UNC13C: variants seen among roughly 807,000 people sequenced by gnomAD.
The protein encoded by UNC13C is protein unc-13 homolog C.
Under a neutral mutation model 245.4 loss-of-function variants are expected in UNC13C, and 174 were observed. That is an observed-to-expected ratio of 0.71 (90% CI 0.63 to 0.80). UNC13C has a LOEUF of 0.80. Among genes scored for constraint, UNC13C ranks in the 30% least tolerant of loss-of-function variants. The probability of loss-of-function intolerance (pLI) is 0.00; values close to 1 mark genes in which losing one functional copy is unlikely to be tolerated. For synonymous variants in UNC13C, 992 were observed against 895.1 expected (o/e 1.11, Z -1.93); for missense variants, 2,829 against 2,602.9 (o/e 1.09, Z -1.89).
At chr15:54,458,879 A>G (rs918981435) in intron 19 of UNC13C, among the ~76,000 whole-genome samples, 2 of 151,766 alleles carry the variant, frequency 1.3e-5, no homozygotes, top group East Asian at 1.9e-4. Flanking sequence ...TTAGTGGAGC[A>G]TTTAGGCCAT....
intron 3 of UNC13C, 36 bp downstream of exon 3, chr15:54,143,076 T>C: frequency 6.3e-7 from 1 of 1,592,432 alleles, no homozygotes; most frequent in Non-Finnish European, 8.6e-7. Context: ...TCCTGAGGAA[T>C]CTTGTCTTTT....
At chr15:54,146,483 A>C (rs1269878861) in intron 4 of UNC13C, among the ~76,000 whole-genome samples, 1 of 152,214 alleles carries the variant, frequency 6.6e-6, no homozygotes, top group East Asian at 1.9e-4. Flanking sequence ...CTCTCTGTAC[A>C]TTTCCTGTAA....
At chr15:54,515,998 T>C (rs1894958508) in intron 24 of UNC13C, among the ~76,000 whole-genome samples, 1 of 152,136 alleles carries the variant, frequency 6.6e-6, no homozygotes, top group South Asian at 2.1e-4. Flanking sequence ...ATTGTAATGG[T>C]CAACTAAATT....
At chr15:53,903,833 GACAGCT>G in the UNC13C span, among the ~76,000 whole-genome samples, 1 of 4,426 alleles carries the variant, frequency 2.3e-4, no homozygotes, top group African/African-American at 2.5e-4. Flanking sequence ...AAAAATTTCT[GACAGCT>G]ACATAGCTAC....
At chr15:54,329,127 T>A (rs542816691) in intron 14 of UNC13C, among the ~76,000 whole-genome samples, 28 of 149,432 alleles carry the variant, frequency 1.9e-4, no homozygotes, top group Admixed American at 2.7e-4. Flanking sequence ...TTATTTATTT[T>A]AAAAATTTAT....
intron 1 of UNC13C, among the ~76,000 whole-genome samples, chr15:53,983,342 A>G (rs1894001781): frequency 6.6e-6 from 1 of 151,986 alleles, no homozygotes; most frequent in Non-Finnish European, 1.5e-5. Context: ...TAGACAAAAG[A>G]GGGCTGCAGG....
the UNC13C span, among the ~76,000 whole-genome samples, chr15:53,922,987 C>T: frequency 6.6e-6 from 1 of 152,180 alleles, no homozygotes; most frequent in African/African-American, 2.4e-5. Context: ...CCACTCTATA[C>T]ATTGTTCTAG....
At chr15:54,030,583 A>G (rs944899716) in intron 2 of UNC13C, among the ~76,000 whole-genome samples, 2 of 152,224 alleles carry the variant, frequency 1.3e-5, no homozygotes, top group African/African-American at 4.8e-5. Flanking sequence ...TGTGGCTTCC[A>G]TCATCCTCTT....
At chr15:53,907,700 A>G in the UNC13C span, among the ~76,000 whole-genome samples, 4 of 151,768 alleles carry the variant, frequency 2.6e-5, no homozygotes, top group African/African-American at 7.2e-5. Context: ...CTTTATAAAT[A>G]AAAGTCATTT....
chr15:54,343,576 G>A (rs2038788895), intron 17 of UNC13C, among the ~76,000 whole-genome samples: 1 of 151,974 alleles, frequency 6.6e-6, no homozygotes, highest in Non-Finnish European at 1.5e-5. Flanking sequence ...TCACATCCTT[G>A]CATTTATGCA....
At chr15:54,326,594 G>A (rs2038303081) in intron 14 of UNC13C, among the ~76,000 whole-genome samples, 1 of 151,994 alleles carries the variant, frequency 6.6e-6, no homozygotes, top group Non-Finnish European at 1.5e-5. Context: ...CTAGTTTTTG[G>A]TAAGTGGAAC....
chr15:53,972,500 T>G, the UNC13C span, among the ~76,000 whole-genome samples: 2 of 152,186 alleles, frequency 1.3e-5, no homozygotes, highest in East Asian at 3.8e-4. Context: ...TTTATACACA[T>G]AGTAGGCAGT....
chr15:54,624,385 C>T (rs1901005297), intron 32 of UNC13C, among the ~76,000 whole-genome samples: 1 of 102,382 alleles, frequency 9.8e-6, no homozygotes, highest in Non-Finnish European at 1.9e-5. Context: ...AAGAGCAGAA[C>T]ATTTCAGACA....
chr15:54,293,206 T>C (rs1231453453), intron 10 of UNC13C, among the ~76,000 whole-genome samples: 4 of 151,810 alleles, frequency 2.6e-5, no homozygotes, highest in East Asian at 3.9e-4. Context: ...TTCCTAAAGA[T>C]TGATTGGTTA....
At chr15:54,409,317 T>G (rs12906290) in intron 18 of UNC13C, among the ~76,000 whole-genome samples, 84,465 of 151,384 alleles carry the variant, frequency 0.56, 23,736 homozygotes, top group East Asian at 0.75. Flanking sequence ...TTATATAAGC[T>G]GTATATATTT....
intron 2 of UNC13C, among the ~76,000 whole-genome samples, chr15:54,056,585 A>G (rs1186838641): frequency 6.6e-6 from 1 of 152,210 alleles, no homozygotes. Context: ...GCAGGCCAAC[A>G]TTCAAATTCA....
chr15:54,062,309 G>C (rs1354059985), intron 2 of UNC13C, among the ~76,000 whole-genome samples: 2 of 145,968 alleles, frequency 1.4e-5, no homozygotes, highest in Non-Finnish European at 3.0e-5. Context: ...GATAACAAGA[G>C]TGAAACTCAG....
chr15:54,623,622 C>T (rs1172292321), intron 31 of UNC13C, among the ~76,000 whole-genome samples, 173 bp from the exon 32 acceptor site: 1 of 152,162 alleles, frequency 6.6e-6, no homozygotes, highest in Non-Finnish European at 1.5e-5. Flanking sequence ...CTGAAAGCTC[C>T]ATCAGGTGTG....
chr15:53,984,562 C>T (rs957311061), intron 1 of UNC13C, among the ~76,000 whole-genome samples: 2 of 152,060 alleles, frequency 1.3e-5, no homozygotes, highest in African/African-American at 4.8e-5. Flanking sequence ...ACTATAAAGA[C>T]CATTGCTTCA....
Sources: gnomAD v4.1 joint callset for allele counts (sites outside exome capture counted in the v4.1 genomes callset) on GRCh38, gnomAD v4.1.1 for gene constraint, MANE v1.5 for transcripts, NCBI Gene and HGNC (gene_info 2026-07-23, HGNC 2026-07-21) for gene names.